Variants in WDR70 observed in about 807,000 individuals in gnomAD.
WDR70 encodes the protein WD repeat-containing protein 70.
In WDR70, 53 loss-of-function variants were observed where a neutral mutation model predicts 88.6. The observed-to-expected ratio is 0.60, with a 90% CI of 0.48 to 0.75. The LOEUF (loss-of-function observed/expected upper bound fraction) is 0.75. WDR70 is among the 30% of genes least tolerant of loss of function. WDR70 has a pLI of 0.00. For synonymous variants in WDR70, 280 were observed against 270.0 expected (o/e 1.04, Z -0.36); for missense variants, 610 against 823.2 (o/e 0.74, Z 3.17).
At chr5:37,497,798 AT>A (rs935215242) in intron 8 of WDR70, among the ~76,000 whole-genome samples, 4 of 150,524 alleles carry the variant, frequency 2.7e-5, no homozygotes, top group African/African-American at 7.3e-5. Flanking sequence ...GGTTGCACAG[AT>A]TTTTTTTTGT....
At position 37,379,362 on chromosome 5, in the gene WDR70, C is replaced by T. The variant is rs773982335; in HGVS notation, c.-6C>T. ...CTGTGGCTGGTTCTGGGGTGTGCGGCCAGCCATGGAGCGCTCTGGGCCCAG... is the reference window on the plus strand; with the variant it reads ...CTGTGGCTGGTTCTGGGGTGTGCGGTCAGCCATGGAGCGCTCTGGGCCCAG... On this transcript the variant is annotated 5_prime_UTR_variant, in exon 1 of 18. Coordinates refer to ENST00000265107, the MANE Select transcript of WDR70 (RefSeq NM_018034.4). 9 of 1,613,570 alleles carry T rather than the reference C, an allele frequency of 5.6e-6. No homozygotes were observed. The East Asian group carries it at 1.6e-4, about 28-fold the overall frequency.
At chr5:37,750,785 C>T (rs767041857) in intron 17 of WDR70, among the ~76,000 whole-genome samples, 19 of 152,196 alleles carry the variant, frequency 1.2e-4, no homozygotes, top group Non-Finnish European at 2.4e-4. Context: ...TAGGCCTCCC[C>T]AGGCAGGTGT....
At position 37,582,310 on chromosome 5, in the gene WDR70, A is replaced by G. The variant is rs1306717228; in HGVS notation, c.918-22754A>G. Among the ~76,000 whole-genome samples the G allele has an allele frequency of 5.9e-5, 9 of 152,230 alleles. No homozygotes were observed. The South Asian group carries it at 6.2e-4, about 10-fold the overall frequency. ...ATGAAAGCAAGCCTTTTAATATTTC[A>G]GGAAAACGTGTATTGATTACAGCCT... On this transcript the variant is annotated intron_variant, in intron 9 of 17. Transcript: ENST00000265107.
chr5:37,743,533 G>C (rs1748547116), intron 17 of WDR70, among the ~76,000 whole-genome samples: 2 of 152,224 alleles, frequency 1.3e-5, no homozygotes, highest in African/African-American at 4.8e-5. Flanking sequence ...TCTGGGTAGG[G>C]GAAGGGCAGC....
intron 9 of WDR70, among the ~76,000 whole-genome samples, chr5:37,522,922 G>A (rs965675635): frequency 2.0e-5 from 3 of 152,204 alleles, no homozygotes; most frequent in Non-Finnish European, 2.9e-5. Context: ...AGGTGGCAGC[G>A]AGGCTGGGGA....
At chr5:37,506,445 A>G (rs56305849) in intron 8 of WDR70, 503,708 of 766,292 alleles carry the variant, frequency 0.66, 168,757 homozygotes, top group Admixed American at 0.7. Flanking sequence ...ACTTTGGTCA[A>G]TTAAGAAGGC....
chr5:37,488,290 G>GAA (rs1739957179), intron 8 of WDR70, among the ~76,000 whole-genome samples: 7 of 151,080 alleles, frequency 4.6e-5, no homozygotes, highest in Admixed American at 4.6e-4. Flanking sequence ...AGACCTTTTT[G>GAA]GGTTGTATCT....
intron 7 of WDR70, among the ~76,000 whole-genome samples, chr5:37,450,388 G>A (rs1561857223): frequency 1.3e-5 from 2 of 152,136 alleles, no homozygotes; most frequent in South Asian, 2.1e-4. Flanking sequence ...GGAAATACAT[G>A]CGTGTATATT....
chr5:37,383,745 A>G (rs1748507862), intron 3 of WDR70, among the ~76,000 whole-genome samples: 1 of 151,144 alleles, frequency 6.6e-6, no homozygotes, highest in Admixed American at 6.6e-5. Flanking sequence ...ACGCCTGGCT[A>G]ATTTTGTTTT....
At chr5:37,734,687 G>A (rs1329840001) in intron 17 of WDR70, among the ~76,000 whole-genome samples, 5 of 151,980 alleles carry the variant, frequency 3.3e-5, no homozygotes, top group Non-Finnish European at 7.4e-5. Context: ...AGGGAAGAAC[G>A]TCTACAAAAG....
intron 9 of WDR70, among the ~76,000 whole-genome samples, chr5:37,521,675 T>A (rs2112275467): frequency 6.6e-6 from 1 of 150,976 alleles, no homozygotes; most frequent in Middle Eastern, 3.4e-3. Flanking sequence ...ATTTTGTTCC[T>A]TTTTGTGGCT....
intron 13 of WDR70, among the ~76,000 whole-genome samples, chr5:37,703,288 A>G (rs908897594): frequency 3.1e-4 from 47 of 152,104 alleles, no homozygotes; most frequent in Admixed American, 3.9e-4. Flanking sequence ...AATATTTCCT[A>G]TGGACCTACA....
At chr5:37,569,420 A>G (rs1742837810) in intron 9 of WDR70, among the ~76,000 whole-genome samples, 1 of 152,140 alleles carries the variant, frequency 6.6e-6, no homozygotes, top group African/African-American at 2.4e-5. Context: ...GCTACCCTCA[A>G]GTGTTTGTTG....
At chr5:37,416,228 A>C (rs1749743139) in intron 5 of WDR70, among the ~76,000 whole-genome samples, 1 of 152,226 alleles carries the variant, frequency 6.6e-6, no homozygotes, top group East Asian at 1.9e-4. Flanking sequence ...ACCACTGAGC[A>C]CTGAGTGAAC....
At position 37,697,770 on chromosome 5, in the gene WDR70, T is replaced by G. The variant is rs1481388128; in HGVS notation, c.1192+16T>G. The G allele has an allele frequency of 6.3e-7, 1 of 1,580,868 alleles. No individual in the cohort carries two copies. The highest frequency in any genetic ancestry group is 8.7e-7 in the Non-Finnish European group (1 of 1,150,238). On this transcript the variant is annotated intron_variant, in intron 11 of 17. Coordinates refer to ENST00000265107, the MANE Select transcript of WDR70 (RefSeq NM_018034.4). ...TCTCGTGGAGGTAGGTTAAAAGCTT[T>G]CTTTTTGATGTATTTCTCTATATAA...
intron 7 of WDR70, among the ~76,000 whole-genome samples, chr5:37,449,934 T>C (rs1738625098): frequency 1.3e-5 from 2 of 152,220 alleles, no homozygotes; most frequent in Middle Eastern, 3.4e-3. Context: ...TGTGTGATAT[T>C]CCCCTCCTTG....
intron 7 of WDR70, among the ~76,000 whole-genome samples, chr5:37,451,179 T>A (rs1395125340): frequency 3.3e-5 from 5 of 152,218 alleles, no homozygotes; most frequent in African/African-American, 9.6e-5. Flanking sequence ...ATTACAGACG[T>A]GAGCCATTGC....
chr5:37,601,596 G>A (rs114843870), intron 9 of WDR70, among the ~76,000 whole-genome samples: 1,674 of 152,108 alleles, frequency 0.011, 38 homozygotes, highest in African/African-American at 0.039. Context: ...GAGAAGAATT[G>A]GTATTAATTC....
rs534898828 is a variant in WDR70, at chr5:37,480,042, A to G, written c.840+55A>G. 481 of 1,549,148 alleles carry G rather than the reference A, an allele frequency of 3.1e-4. 2 individuals are homozygous for G. In the African/African-American group the frequency reaches 5.8e-3, roughly 19 times the overall value. On this transcript the variant is annotated intron_variant, in intron 8 of 17. Coordinates refer to ENST00000265107, the MANE Select transcript of WDR70 (RefSeq NM_018034.4). The stretch of plus-strand genomic sequence containing the variant: ...TTAATTCAGCACACATTTATTAACA[A>G]CTATTTGAGTTATCATGTAATAATT...
Sources: allele counts gnomAD v4.1 joint callset (sites outside exome capture counted in the v4.1 genomes callset), GRCh38; gene constraint gnomAD v4.1.1; transcripts MANE v1.5; gene names NCBI Gene and HGNC (gene_info 2026-07-23, HGNC 2026-07-21).